Variants in PAPLN observed in about 807,000 individuals in gnomAD.
PAPLN encodes papilin, proteoglycan like sulfated glycoprotein, also known as papilin.
In PAPLN, 146 loss-of-function variants were observed where a neutral mutation model predicts 159.0. The ratio of observed to expected loss-of-function variants is 0.92; its 90% CI spans 0.80 to 1.05. The LOEUF (loss-of-function observed/expected upper bound fraction) is 1.05. Ranked by LOEUF, PAPLN falls within the 50% of genes least tolerant of loss-of-function variation. The probability of loss-of-function intolerance (pLI) is 0.00; values close to 1 mark genes in which losing one functional copy is unlikely to be tolerated. For synonymous variants in PAPLN, 734 were observed against 702.9 expected (o/e 1.04, Z -0.70); for missense variants, 1,720 against 1,743.9 (o/e 0.99, Z 0.24).
chr14:73,270,296 G>A (rs1409970091), intron 26 of PAPLN, among the ~76,000 whole-genome samples: 6 of 152,218 alleles, frequency 3.9e-5, no homozygotes, highest in Admixed American at 6.5e-5. Flanking sequence ...GGGTGCTAAC[G>A]TATAGACAAG....
chr14:73,262,646 C>A lies in PAPLN; in HGVS notation c.2542C>A (p.Gln848Lys). 6.6e-7 allele frequency: 1 copy of A among 1,506,294 alleles called. No homozygotes were observed. The allele number at this position is 1,506,294 out of a possible 1,614,324, so 93.3% of individuals were successfully genotyped here. Residue 848 changes from glutamine to lysine, a missense_variant, in exon 19 of 27, where the codon CAG (glutamine) becomes AAG (lysine). Physicochemically the swap from Gln to Lys is moderately conservative, Grantham distance 53. Transcript: ENST00000644200. ...PSQHRTGAAVQRKPWPSGGLW... is the reference protein window; with the variant it reads ...PSQHRTGAAVKRKPWPSGGLW... Reference sequence around the variant, plus strand: ...CCAGCACAGGACAGGGGCCGCGGTGCAGAGAAAGCCCTGGCCTTCTGGTGG... The same window carrying A: ...CCAGCACAGGACAGGGGCCGCGGTGAAGAGAAAGCCCTGGCCTTCTGGTGG...
chr14:73,263,246 T>C, intron 19 of PAPLN: 1 of 340,516 alleles, frequency 2.9e-6, no homozygotes, highest in Middle Eastern at 8.2e-4. Context: ...AGATGACTCC[T>C]GGGACTGGAT....
At chr14:73,241,865 T>A (rs1489643355) in intron 2 of PAPLN, among the ~76,000 whole-genome samples, 1 of 152,252 alleles carries the variant, frequency 6.6e-6, no homozygotes, top group Non-Finnish European at 1.5e-5. Context: ...GTCTCTCTCT[T>A]ACACACGTGC....
rs569224705 is a variant in PAPLN at position 73,239,647 on chromosome 14, G to C, written c.-6-126G>C. The stretch of plus-strand genomic sequence containing the variant: ...TCTGCGGTGCACCGAGGCGCACCCG[G>C]CTGTCCTGTTGCGGGTCTCCTGGTC... On this transcript the variant is annotated intron_variant, in intron 1 of 26. Coordinates refer to ENST00000644200, the MANE Select transcript of PAPLN (RefSeq NM_001365906.3). 1,053 of 1,445,938 alleles carry C rather than the reference G, an allele frequency of 7.3e-4. 10 individuals carry two copies. Among genetic ancestry groups the C allele is most frequent in the East Asian group, 4.9e-3 (182 of 36,878 alleles). 89.6% of individuals were successfully genotyped at this position (1,445,938 alleles called of 1,614,324 possible).
intron 21 of PAPLN, 68 bp downstream of exon 21, chr14:73,264,403 C>T (rs1886996310): frequency 1.9e-6 from 3 of 1,569,166 alleles, no homozygotes; most frequent in Non-Finnish European, 8.7e-7. Context: ...GGATGGGGAG[C>T]CTGACCGAGG....
chr14:73,248,715 G>A (rs1187904534), intron 5 of PAPLN, among the ~76,000 whole-genome samples: 1 of 152,112 alleles, frequency 6.6e-6, no homozygotes, highest in Non-Finnish European at 1.5e-5. Context: ...CCAGCTATTC[G>A]AGAAGCTGAG....
chr14:73,271,897 A>G (rs1325055624), intron 26 of PAPLN, among the ~76,000 whole-genome samples: 1 of 152,224 alleles, frequency 6.6e-6, no homozygotes, highest in East Asian at 1.9e-4. Flanking sequence ...TGTAGTTAGT[A>G]TTAGAGCCAC....
At position 73,262,492 on chromosome 14, in the gene PAPLN, G is replaced by C. The variant is rs772940397; in HGVS notation, c.2388G>C (p.Ser796=). The change falls in exon 19 of 27, where the codon TCG becomes TCC. Residue 796 remains serine (S), a synonymous_variant. Coordinates refer to ENST00000644200, the MANE Select transcript of PAPLN (RefSeq NM_001365906.3). ...ATGGCAATGCCAATAACTTTGCCTC[G>C]GAGCAAGAGTGCATGAGCAGCTGCC... ...GCHGNANNFA[S]EQECMSSCQG... The C allele has an allele frequency of 6.3e-7, 1 of 1,596,012 alleles. No homozygotes were observed. Among genetic ancestry groups the C allele is most frequent in the South Asian group, 1.1e-5 (1 of 89,132 alleles).
chr14:73,259,009 C>G lies in PAPLN; in HGVS notation c.1658C>G (p.Pro553Arg). The change falls in exon 15 of 27, where the codon CCT (proline) becomes CGT (arginine). Residue 553 changes from proline to arginine, a missense_variant. Physicochemically the swap from Pro to Arg is moderately radical, Grantham distance 103 (BLOSUM62 -2). Coordinates refer to ENST00000644200, the MANE Select transcript of PAPLN (RefSeq NM_001365906.3). ...CCCAGCATGCAGGATGTGCACACCC[C>G]TGCCAGCAACCCCTGGATGCCGTTG... ...EVPSMQDVHT[P>R]ASNPWMPLGP... 1 of 1,612,856 alleles carries G rather than the reference C, an allele frequency of 6.2e-7. No individual in the cohort carries two copies. The highest frequency in any genetic ancestry group is 8.5e-7 in the Non-Finnish European group (1 of 1,179,508).
rs759535662 is a variant in PAPLN at position 73,259,429 on chromosome 14, G to A, written c.1869G>A (p.Ser623=). 4.5e-5 allele frequency: 73 copies of A among 1,612,786 alleles called. No individual in the cohort carries two copies. The Admixed American group carries it at 9.7e-4, about 21-fold the overall frequency. The change falls in exon 16 of 27, where the codon TCG becomes TCA. Residue 623 remains serine, a synonymous_variant. Coordinates refer to ENST00000644200, the MANE Select transcript of PAPLN (RefSeq NM_001365906.3). ...CCCCATACCAGCAACCCCTGCGGTC[G>A]GGCTCAGGGCCCCACGACTGCAGAC... The part of the protein sequence containing the change: ...QQPPYQQPLR[S]GSGPHDCRHS...
chr14:73,268,550 C>T lies in PAPLN; in HGVS notation c.3501-7C>T. ...TGATGGCTCTCCCAGTGTCCTCTCT[C>T]CTCCAGGAACGGGCTACCTGTGCAG... is the stretch of plus-strand genomic sequence containing the variant. On this transcript the variant is annotated splice_region_variant and splice_polypyrimidine_tract_variant and intron_variant, in intron 25 of 26. Coordinates refer to ENST00000644200, the MANE Select transcript of PAPLN (RefSeq NM_001365906.3). 1 of 1,609,140 alleles carries T rather than the reference C, an allele frequency of 6.2e-7. No individual in the cohort carries two copies.
Position 73,251,846 on chromosome 14 carries a change from G to A in PAPLN, c.843+10G>A. ...GCCCCTGGTCATCGAGGTAAATGGG[G>A]GTGTGGGGAGAGAGGGCGAGTGGGC... On this transcript the variant is annotated intron_variant, in intron 9 of 26. Coordinates refer to ENST00000644200, the MANE Select transcript of PAPLN (RefSeq NM_001365906.3). 6.3e-7 allele frequency: 1 copy of A among 1,587,562 alleles called. No homozygotes were observed. Among genetic ancestry groups the A allele is most frequent in the South Asian group, 1.1e-5 (1 of 88,214 alleles).
intron 20 of PAPLN, 182 bp from the exon 21 acceptor site, chr14:73,264,029 C>T: frequency 2.6e-6 from 4 of 1,521,184 alleles, no homozygotes; most frequent in Non-Finnish European, 3.5e-6. Flanking sequence ...ACAGCTCCCT[C>T]CACCTCCGCT....
rs1887238376 is a variant in PAPLN, at chr14:73,266,622, G to C, written c.3385G>C (p.Val1129Leu). The C allele has an allele frequency of 6.2e-7, 1 of 1,614,192 alleles. No homozygotes were observed. Among genetic ancestry groups the C allele is most frequent in the Non-Finnish European group, 8.5e-7 (1 of 1,180,036 alleles). Residue 1129 changes from valine to leucine, a missense_variant, in exon 24 of 27, where the codon GTT (valine) becomes CTT (leucine). By Grantham distance (32) the Val-to-Leu change is conservative. Transcript: ENST00000644200. ...AGACCAGCGATGGGTCCAGCTCAGAGTTCTGGGTAAAGTGGCAGTCCTGAG... is the reference window on the plus strand; with the variant it reads ...AGACCAGCGATGGGTCCAGCTCAGACTTCTGGGTAAAGTGGCAGTCCTGAG... ...DRDQRWVQLR[V>L]LGELTISGLP...
intron 1 of PAPLN, among the ~76,000 whole-genome samples, chr14:73,238,752 G>A (rs1341749960): frequency 6.6e-6 from 1 of 152,234 alleles, no homozygotes; most frequent in African/African-American, 2.4e-5. Context: ...AAATTAACGA[G>A]TGTGTACATT....
chr14:73,267,772 G>A, intron 25 of PAPLN, among the ~76,000 whole-genome samples: 1 of 152,186 alleles, frequency 6.6e-6, no homozygotes, highest in East Asian at 1.9e-4. Context: ...CAGCCTGTCA[G>A]GCCTGCTTCT....
intron 2 of PAPLN, chr14:73,243,218 T>C (rs1441005761): frequency 1.3e-5 from 2 of 152,282 alleles, no homozygotes; most frequent in Non-Finnish European, 2.9e-5. Flanking sequence ...GGTCTCGAAC[T>C]CCTGACCTCA....
intron 26 of PAPLN, among the ~76,000 whole-genome samples, chr14:73,271,665 C>G (rs1362582444): frequency 6.6e-6 from 1 of 152,108 alleles, no homozygotes; most frequent in African/African-American, 2.4e-5. Flanking sequence ...CCATGCCTGG[C>G]TAATTTTTGC....
chr14:73,273,814 G>C lies in PAPLN; in HGVS notation c.*1150G>C, dbSNP rs976889762. On this transcript the variant is annotated 3_prime_UTR_variant, in exon 27 of 27. Transcript: ENST00000644200. ...AGTCAGCTCTAAATCTGGTGCAGAG[G>C]GTTAACAGCATAACCCTTGTTGGCA... is the stretch of plus-strand genomic sequence containing the variant. 1 of 152,188 alleles carries C rather than the reference G, an allele frequency of 6.6e-6. No homozygotes were observed. Among genetic ancestry groups the C allele is most frequent in the Non-Finnish European group, 1.5e-5 (1 of 68,054 alleles). 9.4% of individuals were successfully genotyped at this position (152,188 alleles called of 1,614,324 possible). A position where few individuals can be genotyped will look rare whatever the true frequency, so the allele number is the denominator to read the frequency against.
Sources: gnomAD v4.1 joint callset for allele counts (sites outside exome capture counted in the v4.1 genomes callset) on GRCh38, gnomAD v4.1.1 for gene constraint, MANE v1.5 for transcripts, NCBI Gene and HGNC (gene_info 2026-07-23, HGNC 2026-07-21) for gene names.